Variants in PTPRJ observed in about 807,000 individuals in gnomAD.
The protein encoded by PTPRJ is receptor-type tyrosine-protein phosphatase eta.
A neutral mutation model predicts 141.3 loss-of-function variants in PTPRJ; 129 were observed. That is an observed-to-expected ratio of 0.91 (90% CI 0.79 to 1.06). PTPRJ has a LOEUF of 1.06. PTPRJ is among the 50% of genes least tolerant of loss of function. The pLI is 0.00. For missense variants in PTPRJ, 1,601 were observed against 1,679.7 expected (o/e 0.95, Z 0.82); for synonymous variants, 610 against 640.5 (o/e 0.95, Z 0.72).
chr11:48,020,682 C>T (rs138082163), intron 1 of PTPRJ, among the ~76,000 whole-genome samples: 71 of 152,280 alleles, frequency 4.7e-4, no homozygotes, highest in African/African-American at 1.6e-3. Flanking sequence ...AGCTGCCTGT[C>T]GATTCCACAG....
chr11:48,131,576 T>C (rs775260317), intron 8 of PTPRJ: 31 of 757,130 alleles, frequency 4.1e-5, no homozygotes, highest in Non-Finnish European at 6.4e-5. Context: ...GAATGGCCCC[T>C]ATGCCAAATT....
chr11:48,050,603 C>G (rs1386835031), intron 1 of PTPRJ, among the ~76,000 whole-genome samples: 1 of 152,162 alleles, frequency 6.6e-6, no homozygotes, highest in Non-Finnish European at 1.5e-5. Context: ...TTTGAAGCCC[C>G]TGAGCCTTTA....
intron 8 of PTPRJ, among the ~76,000 whole-genome samples, chr11:48,132,992 G>GA (rs1310859405): frequency 6.6e-6 from 1 of 152,190 alleles, no homozygotes; most frequent in African/African-American, 2.4e-5. Context: ...GATCACCACT[G>GA]AGGGAGATGC....
intron 1 of PTPRJ, among the ~76,000 whole-genome samples, chr11:48,010,559 C>T (rs757480050): frequency 3.3e-5 from 5 of 151,864 alleles, no homozygotes; most frequent in African/African-American, 2.4e-5. Context: ...TTTTTTGAGA[C>T]GGAGTCTCAC....
chr11:48,125,317 G>C, intron 6 of PTPRJ, 131 bp downstream of exon 6: 1 of 958,074 alleles, frequency 1.0e-6, no homozygotes, highest in Non-Finnish European at 1.6e-6. Flanking sequence ...TCCTGGAGGA[G>C]ATTTTGGACA....
At position 48,156,040 on chromosome 11, in the gene PTPRJ, T is replaced by G. The variant is rs1281984679; in HGVS notation, c.3359T>G (p.Leu1120Trp). 1.9e-6 allele frequency: 3 copies of G among 1,605,250 alleles called. No homozygotes were observed. In the East Asian group the frequency reaches 6.7e-5, roughly 36 times the overall value. Residue 1120 changes from leucine to tryptophan, a missense_variant, in exon 21 of 25, where the codon TTG becomes TGG. Transcript: ENST00000418331. ...IATQGPLPNT[L>W]KDFWRMVWEK... The stretch of plus-strand genomic sequence containing the variant: ...ACACAAGGACCTTTACCGAACACTT[T>G]GAAAGATTTTTGGCGTATGGTTTGG...
intron 1 of PTPRJ, among the ~76,000 whole-genome samples, chr11:48,079,401 G>T (rs1180747978): frequency 6.6e-6 from 1 of 152,002 alleles, no homozygotes; most frequent in Non-Finnish European, 1.5e-5. Context: ...AAAGGGTTGT[G>T]CCTTCATGAC....
chr11:48,049,320 T>C (rs983562792), intron 1 of PTPRJ, among the ~76,000 whole-genome samples: 3 of 151,364 alleles, frequency 2.0e-5, no homozygotes, highest in Admixed American at 1.3e-4. Context: ...CACCGAGTCA[T>C]GGCAACCATT....
chr11:48,124,587 A>G (rs1007845697), intron 5 of PTPRJ, among the ~76,000 whole-genome samples: 20 of 152,242 alleles, frequency 1.3e-4, no homozygotes, highest in South Asian at 4.2e-4. Context: ...CCCACCAACC[A>G]GGGTCTGGTC....
chr11:48,146,867 T>G lies in PTPRJ; in HGVS notation c.2912-9T>G, dbSNP rs762078432. ...CTCTTGAAGTGTCTCCCATTTGGAC[T>G]TTTCTCAGGTGTCATCTGTGGAGCG... On this transcript the variant is annotated splice_polypyrimidine_tract_variant and intron_variant, in intron 14 of 24. Coordinates refer to ENST00000418331, the MANE Select transcript of PTPRJ (RefSeq NM_002843.4). The G allele has an allele frequency of 6.2e-7, 1 of 1,613,700 alleles. No individual in the cohort carries two copies. Among genetic ancestry groups the G allele is most frequent in the Non-Finnish European group, 8.5e-7 (1 of 1,179,616 alleles).
chr11:48,086,894 T>C (rs1855729065), intron 1 of PTPRJ, among the ~76,000 whole-genome samples: 1 of 152,214 alleles, frequency 6.6e-6, no homozygotes, highest in African/African-American at 2.4e-5. Context: ...TTCCATATCA[T>C]TGTGCACCTG....
intron 1 of PTPRJ, among the ~76,000 whole-genome samples, chr11:48,039,167 A>G (rs1056250208): frequency 6.6e-6 from 1 of 150,494 alleles, no homozygotes; most frequent in African/African-American, 2.5e-5. Context: ...AAAAAAAAAG[A>G]AAAAGACTAT....
At chr11:48,164,215 G>C (rs1028161798) in intron 23 of PTPRJ, among the ~76,000 whole-genome samples, 165 bp from the exon 24 acceptor site, 1 of 152,296 alleles carries the variant, frequency 6.6e-6, no homozygotes. Flanking sequence ...AGCTAGTGCT[G>C]TCTGACTTGC....
intron 8 of PTPRJ, chr11:48,132,211 G>T: frequency 1.0e-6 from 1 of 985,366 alleles, no homozygotes; most frequent in Non-Finnish European, 1.2e-6. Flanking sequence ...GAGATACTTT[G>T]TTAGTTCTAG....
At chr11:47,985,083 C>G (rs748013601) in intron 1 of PTPRJ, among the ~76,000 whole-genome samples, 3 of 149,476 alleles carry the variant, frequency 2.0e-5, no homozygotes, top group Non-Finnish European at 4.4e-5. Context: ...GATCTCCTGA[C>G]CTCATGATCT....
At chr11:48,143,748 C>T (rs1226100689) in intron 12 of PTPRJ, among the ~76,000 whole-genome samples, 3 of 151,200 alleles carry the variant, frequency 2.0e-5, no homozygotes, top group Admixed American at 2.0e-4. Context: ...GATTTAAAAG[C>T]CCAAGTTTTG....
chr11:48,018,047 A>T (rs1805313520), intron 1 of PTPRJ, among the ~76,000 whole-genome samples: 1 of 152,254 alleles, frequency 6.6e-6, no homozygotes, highest in Admixed American at 6.5e-5. Context: ...TGATGATAAA[A>T]ATACTTTATG....
intron 15 of PTPRJ, among the ~76,000 whole-genome samples, chr11:48,147,439 A>G (rs1272669039): frequency 1.3e-5 from 2 of 152,268 alleles, no homozygotes; most frequent in African/African-American, 2.4e-5. Context: ...TGCTATTACT[A>G]TTATTTTATC....
chr11:48,021,501 T>G (rs1238706), intron 1 of PTPRJ, among the ~76,000 whole-genome samples: 10,072 of 152,032 alleles, frequency 0.066, 1,065 homozygotes, highest in African/African-American at 0.22. Context: ...AAGCCCCAGG[T>G]TTTGGGGCAT....
Sources: gnomAD v4.1 joint callset for allele counts (sites outside exome capture counted in the v4.1 genomes callset) on GRCh38, gnomAD v4.1.1 for gene constraint, MANE v1.5 for transcripts, NCBI Gene and HGNC (gene_info 2026-07-23, HGNC 2026-07-21) for gene names.